The following USP3 variants were observed in gnomAD, a reference collection of about 807,000 sequenced individuals.
The protein encoded by USP3 is ubiquitin carboxyl-terminal hydrolase 3.
A neutral mutation model predicts 72.3 loss-of-function variants in USP3; 20 were observed. The ratio of observed to expected loss-of-function variants is 0.28; its 90% CI spans 0.19 to 0.40. USP3 has a LOEUF of 0.40. USP3 is among the 10% of genes least tolerant of loss of function. USP3 has a pLI of 1.00. For synonymous variants in USP3, 222 were observed against 225.3 expected (o/e 0.99, Z 0.13); for missense variants, 479 against 633.9 (o/e 0.76, Z 2.62).
intron 11 of USP3, among the ~76,000 whole-genome samples, chr15:63,581,343 TTTTGTGTGTGTGTGTG>T (rs1297028395): frequency 3.9e-4 from 52 of 132,492 alleles, no homozygotes; most frequent in Middle Eastern, 3.8e-3. Flanking sequence ...TTGTGTTGGT[TTTTGTGTGTGTGTGTG>T]TGTGTGTGTG....
At chr15:63,547,761 G>GGAGAGA (rs1180675814) in intron 3 of USP3, among the ~76,000 whole-genome samples, 11 of 4,460 alleles carry the variant, frequency 2.5e-3, no homozygotes, top group Admixed American at 6.0e-3. Context: ...AGGGAGGGAG[G>GGAGAGA]GAGAGAGAGA....
intron 11 of USP3, among the ~76,000 whole-genome samples, chr15:63,582,761 T>C (rs2066985860): frequency 6.6e-6 from 1 of 152,034 alleles, no homozygotes; most frequent in Non-Finnish European, 1.5e-5. Context: ...CTCCTTTGCA[T>C]TGGAGAGAAG....
At chr15:63,522,102 C>T (rs2065928140) in intron 1 of USP3, among the ~76,000 whole-genome samples, 1 of 152,224 alleles carries the variant, frequency 6.6e-6, no homozygotes, top group African/African-American at 2.4e-5. Context: ...TCTGGAACTC[C>T]TGGTCTCAGG....
Position 63,544,490 on chromosome 15 carries a change from G to C in USP3, c.284+7334G>C, listed in dbSNP as rs2152665347. 2 of 542,200 alleles carry C rather than the reference G, an allele frequency of 3.7e-6. No individual in the cohort carries two copies. The highest frequency in any genetic ancestry group is 3.0e-5 in the East Asian group (1 of 32,958). The allele number at this position is 542,200 out of a possible 1,614,324, so 33.6% of individuals were successfully genotyped here. A position where few individuals can be genotyped will look rare whatever the true frequency, so the allele number is the denominator to read the frequency against. Reference sequence around the variant, plus strand: ...TAGTAGACTAGTGTTTTGTCTTTTAGAATTAGAGGGGGCAAGTAGTGCAGG... The same window carrying C: ...TAGTAGACTAGTGTTTTGTCTTTTACAATTAGAGGGGGCAAGTAGTGCAGG... On this transcript the variant is annotated intron_variant, in intron 3 of 14. Transcript: ENST00000380324. This position sits in a 1 kb window ranked among gnomAD's most constrained non-coding sequence, Gnocchi z 4.2.
At chr15:63,531,673 G>T (rs1472117129) in intron 1 of USP3, among the ~76,000 whole-genome samples, 1 of 152,092 alleles carries the variant, frequency 6.6e-6, no homozygotes. Flanking sequence ...GAAGAGATGG[G>T]TATCCTAAAC....
intron 11 of USP3, among the ~76,000 whole-genome samples, chr15:63,584,658 T>C (rs1260357178): frequency 6.6e-6 from 1 of 152,238 alleles, no homozygotes; most frequent in East Asian, 1.9e-4. Flanking sequence ...GTTCTTCATA[T>C]ATTGTGGCCA....
At chr15:63,516,952 T>A (rs2065858266) in intron 1 of USP3, among the ~76,000 whole-genome samples, 1 of 151,730 alleles carries the variant, frequency 6.6e-6, no homozygotes, top group African/African-American at 2.4e-5. Flanking sequence ...GAACTCTTAT[T>A]AGTTGGATGT....
At chr15:63,590,240 G>C (rs1284658090) in intron 14 of USP3, among the ~76,000 whole-genome samples, 1 of 152,176 alleles carries the variant, frequency 6.6e-6, no homozygotes, top group Non-Finnish European at 1.5e-5. Flanking sequence ...CTGACTTGGA[G>C]GACTGACTCC....
Position 63,594,412 on chromosome 15 carries a change from A to G in USP3, c.*3586A>G, listed in dbSNP as rs574822614. ...GTCTCTGCGTCTCGTCAGTGGGTGC[A>G]GTGCCTTCCCCCTCAGGTGTGAGCG... is the stretch of plus-strand genomic sequence containing the variant. On this transcript the variant is annotated 3_prime_UTR_variant, in exon 15 of 15. Coordinates refer to ENST00000380324, the MANE Select transcript of USP3 (RefSeq NM_006537.4). The G allele has an allele frequency of 2.6e-5, 4 of 152,386 alleles. No homozygotes were observed. In the South Asian group the frequency reaches 8.3e-4, roughly 32 times the overall value. The allele number at this position is 152,386 out of a possible 1,614,324, so 9.4% of individuals were successfully genotyped here.
intron 1 of USP3, 65 bp downstream of exon 1, chr15:63,504,895 C>T (rs1246447067): frequency 4.8e-6 from 6 of 1,259,394 alleles, no homozygotes; most frequent in Non-Finnish European, 6.0e-6. Flanking sequence ...GGCCTGCCGT[C>T]TAGGGGCCGC....
In USP3 at chr15:63,562,994, T is replaced by G. The variant is rs1360678818; in HGVS notation, c.747T>G (p.Ile249Met). Residue 249 changes from isoleucine (I) to methionine (M), a missense_variant, in exon 8 of 15, where the codon ATT (isoleucine) becomes ATG (methionine). Transcript: ENST00000380324. Reference sequence around the variant, plus strand: ...CCTTATTTTATGTTGTTTGGAAGATTATGCCAAACTTTAGGTAAGTATTAT... The same window carrying G: ...CCTTATTTTATGTTGTTTGGAAGATGATGCCAAACTTTAGGTAAGTATTAT... ...PESLFYVVWKIMPNFRGYQQQ... is the reference protein window; with the variant it reads ...PESLFYVVWKMMPNFRGYQQQ... 1 of 1,609,776 alleles carries G rather than the reference T, an allele frequency of 6.2e-7. No individual in the cohort carries two copies.
intron 1 of USP3, among the ~76,000 whole-genome samples, chr15:63,526,957 T>G (rs1213614317): frequency 6.6e-6 from 1 of 152,202 alleles, no homozygotes; most frequent in Non-Finnish European, 1.5e-5. Flanking sequence ...TGCAGTGGTG[T>G]GATCTCGACT....
In USP3 at chr15:63,592,339, T is replaced by G. The variant is rs935699821; in HGVS notation, c.*1513T>G. 2.6e-5 allele frequency: 4 copies of G among 151,252 alleles called. No individual in the cohort carries two copies. The highest frequency in any genetic ancestry group is 4.4e-5 in the Non-Finnish European group (3 of 67,758). 9.4% of individuals were successfully genotyped at this position (151,252 alleles called of 1,614,324 possible). ...CTAAGACAGTCCTGTGGTGGTTTTT[T>G]TTTTTTCTTTTTTTTGGTTGGGGGC... On this transcript the variant is annotated 3_prime_UTR_variant, in exon 15 of 15. Transcript: ENST00000380324.
At chr15:63,551,389 AAAAATTTAATTATAAAAT>A (rs1434031325) in intron 3 of USP3, 2 of 151,678 alleles carry the variant, frequency 1.3e-5, no homozygotes, top group Non-Finnish European at 2.9e-5. Context: ...TTTAAGCTAA[AAAAATTTAATTATAAAAT>A]AATTAAAATA....
At chr15:63,515,238 A>G (rs1045425329) in intron 1 of USP3, among the ~76,000 whole-genome samples, 4 of 152,386 alleles carry the variant, frequency 2.6e-5, no homozygotes, top group Non-Finnish European at 4.4e-5. Flanking sequence ...GTTTTTCACC[A>G]AAATAGGTCT....
intron 1 of USP3, among the ~76,000 whole-genome samples, chr15:63,520,022 A>G (rs1165275454): frequency 1.3e-5 from 2 of 152,142 alleles, no homozygotes; most frequent in African/African-American, 4.8e-5. Flanking sequence ...CTCATCTTGT[A>G]CTTAGCCTGT....
intron 11 of USP3, among the ~76,000 whole-genome samples, chr15:63,585,270 T>C (rs922691333): frequency 3.3e-5 from 5 of 152,196 alleles, no homozygotes; most frequent in South Asian, 4.1e-4. Flanking sequence ...GAAATTTCTA[T>C]TGGGATTTTG....
chr15:63,509,541 A>C (rs2065755859), intron 1 of USP3, among the ~76,000 whole-genome samples: 1 of 152,164 alleles, frequency 6.6e-6, no homozygotes, highest in Non-Finnish European at 1.5e-5. Context: ...TTTAGTTGTA[A>C]ATGTGGATGG....
intron 4 of USP3, among the ~76,000 whole-genome samples, chr15:63,555,008 T>C (rs568857842): frequency 1.1e-4 from 16 of 152,312 alleles, no homozygotes; most frequent in African/African-American, 3.6e-4. Flanking sequence ...TATCACTCTT[T>C]GGTGTGGTGA....
Sources: allele counts gnomAD v4.1 joint callset (sites outside exome capture counted in the v4.1 genomes callset), GRCh38; gene constraint gnomAD v4.1.1; non-coding constraint Gnocchi (gnomAD v3.1); transcripts MANE v1.5; gene names NCBI Gene and HGNC (gene_info 2026-07-23, HGNC 2026-07-21).